Variants in IPP observed in about 807,000 individuals in gnomAD.
The protein encoded by IPP is intracisternal A particle-promoted polypeptide, also known as actin-binding protein IPP.
Under a neutral mutation model 64.1 loss-of-function variants are expected in IPP, and 41 were observed. That is an observed-to-expected ratio of 0.64 (90% CI 0.50 to 0.83). The LOEUF (loss-of-function observed/expected upper bound fraction) is 0.83. IPP is among the 40% of genes least tolerant of loss of function. The pLI, the probability that IPP is intolerant of heterozygous loss-of-function variation, is 0.00. For missense variants in IPP, 649 were observed against 703.0 expected (o/e 0.92, Z 0.87); for synonymous variants, 214 against 235.2 (o/e 0.91, Z 0.83).
intron 5 of IPP, among the ~76,000 whole-genome samples, chr1:45,726,260 A>C (rs879646593): frequency 4.0e-5 from 6 of 150,834 alleles, no homozygotes; most frequent in Admixed American, 6.6e-5. Context: ...GGAGTTCGAG[A>C]CCAGCCTGAC....
At chr1:45,701,576 C>T (rs966691783) in intron 8 of IPP, among the ~76,000 whole-genome samples, 15 of 152,098 alleles carry the variant, frequency 9.9e-5, no homozygotes, top group African/African-American at 2.9e-4. Flanking sequence ...CGTGAGCCAC[C>T]GCACCCAGCG....
At chr1:45,727,555 C>T (rs1349256424) in intron 5 of IPP, 76 bp downstream of exon 5, 1 of 684,048 alleles carries the variant, frequency 1.5e-6, no homozygotes, top group Non-Finnish European at 2.0e-6. Context: ...TATCACATAG[C>T]AACATATAAA....
At chr1:45,742,385 A>T (rs1177568541) in intron 2 of IPP, among the ~76,000 whole-genome samples, 1 of 152,220 alleles carries the variant, frequency 6.6e-6, no homozygotes, top group Non-Finnish European at 1.5e-5. Flanking sequence ...GAAAGAAAAA[A>T]AACAAACAAC....
intron 5 of IPP, among the ~76,000 whole-genome samples, chr1:45,724,252 G>A (rs373142724): frequency 4.6e-5 from 7 of 152,140 alleles, no homozygotes; most frequent in African/African-American, 1.4e-4. Context: ...CCGAGGTGCC[G>A]GGATTGCAGA....
Position 45,699,538 on chromosome 1 carries a change from G to C in IPP, c.*428C>G, listed in dbSNP as rs893524114. Reference sequence around the variant, plus strand: ...AGGAGTTGTCTACACTTAAACTGGAGAATTCTACAGCATAAATGGCATTTC... The same window carrying C: ...AGGAGTTGTCTACACTTAAACTGGACAATTCTACAGCATAAATGGCATTTC... On this transcript the variant is annotated 3_prime_UTR_variant, in exon 9 of 9. Transcript: ENST00000396478. The C allele has an allele frequency of 1.0e-6, 1 of 989,082 alleles. No individual in the cohort carries two copies. The highest frequency in any genetic ancestry group is 1.2e-6 in the Non-Finnish European group (1 of 832,038). The allele number at this position is 989,082 out of a possible 1,614,324, so 61.3% of individuals were successfully genotyped here. A position where few individuals can be genotyped will look rare whatever the true frequency, so the allele number is the denominator to read the frequency against.
intron 1 of IPP, among the ~76,000 whole-genome samples, chr1:45,748,670 TCAA>T (rs964173282): frequency 4.7e-5 from 7 of 150,002 alleles, no homozygotes; most frequent in Non-Finnish European, 7.4e-5. Context: ...AGACCGTGTC[TCAA>T]CAACAACAAC....
chr1:45,727,642 T>A lies in IPP; in HGVS notation c.1037A>T (p.Tyr346Phe). ...ATTTTTATTATTACCTCCAATAGCG[T>A]AGACCATCCCTCCCAGAACTGTTAC... ...LGVTVLGGMV[Y>F]AIGGEKDSMI... The change falls in exon 5 of 9, where the codon TAC becomes TTC. Residue 346 changes from tyrosine to phenylalanine, a missense_variant. Tyr to Phe is a conservative substitution (Grantham distance 22). Transcript: ENST00000396478. The A allele has an allele frequency of 6.4e-7, 1 of 1,566,604 alleles. No homozygotes were observed. Among genetic ancestry groups the A allele is most frequent in the Non-Finnish European group, 8.7e-7 (1 of 1,146,698 alleles).
chr1:45,728,989 T>C (rs990640938), intron 4 of IPP, among the ~76,000 whole-genome samples: 17 of 150,430 alleles, frequency 1.1e-4, no homozygotes, highest in African/African-American at 3.4e-4. Flanking sequence ...TATATAGGTA[T>C]ACAAAAATTA....
At chr1:45,713,459 T>C (rs749504966) in intron 8 of IPP, among the ~76,000 whole-genome samples, 13 of 151,688 alleles carry the variant, frequency 8.6e-5, no homozygotes, top group Non-Finnish European at 1.6e-4. Flanking sequence ...ACTCAAGAGG[T>C]TGAGGCAGGA....
At chr1:45,743,848 T>TAA (rs564404186) in intron 2 of IPP, among the ~76,000 whole-genome samples, 10 of 146,826 alleles carry the variant, frequency 6.8e-5, no homozygotes, top group Admixed American at 2.7e-4. Flanking sequence ...CCGTCTCTAC[T>TAA]AAAAAAAAAA....
At chr1:45,695,961 G>A (rs1298072661), downstream of IPP, among the ~76,000 whole-genome samples, 1 of 152,062 alleles carries the variant, frequency 6.6e-6, no homozygotes, top group Non-Finnish European at 1.5e-5. Flanking sequence ...GAGCCACCGT[G>A]CCCGGCCTGT....
At position 45,700,163 on chromosome 1, in the gene IPP, T is replaced by C. The variant is rs1397976725; in HGVS notation, c.1558A>G (p.Lys520Glu). ...ACACACATGCCTGCTCTAGGCACTT[T>C]CATTGAGGCAACTTCAACCCACTTT... Reference protein sequence around the residue: ...EEKWVEVASMKVPRAGMCVVA... With the variant: ...EEKWVEVASMEVPRAGMCVVA... Residue 520 changes from lysine (K) to glutamate (E), a missense_variant, in exon 9 of 9, where the codon AAA becomes GAA. Lys to Glu is a moderately conservative substitution (Grantham distance 56). Coordinates refer to ENST00000396478, the MANE Select transcript of IPP (RefSeq NM_005897.3). The C allele has an allele frequency of 6.2e-7, 1 of 1,613,626 alleles. No homozygotes were observed. The highest frequency in any genetic ancestry group is 1.7e-5 in the Admixed American group (1 of 59,914).
At chr1:45,729,032 G>T (rs1359749377) in intron 4 of IPP, among the ~76,000 whole-genome samples, 1 of 150,858 alleles carries the variant, frequency 6.6e-6, no homozygotes, top group East Asian at 1.9e-4. Context: ...TGTAGTCCCA[G>T]CTACTCAGGA....
chr1:45,737,749 C>T (rs898344090), intron 3 of IPP, among the ~76,000 whole-genome samples: 28 of 152,166 alleles, frequency 1.8e-4, no homozygotes, highest in African/African-American at 5.5e-4. Flanking sequence ...CATGAGCCAC[C>T]GTGCCTGGCC....
downstream of IPP, chr1:45,697,062 G>A (rs773822708): frequency 1.3e-5 from 2 of 152,166 alleles, no homozygotes; most frequent in Non-Finnish European, 2.9e-5. Flanking sequence ...TTATAGCTTA[G>A]TCTATAAATT....
intron 3 of IPP, among the ~76,000 whole-genome samples, chr1:45,737,429 T>C (rs1053148027): frequency 1.3e-5 from 2 of 151,830 alleles, no homozygotes; most frequent in African/African-American, 4.8e-5. Context: ...TCCAAAATAT[T>C]AAGTGGAAAT....
At chr1:45,744,155 T>C (rs1646103563) in intron 2 of IPP, among the ~76,000 whole-genome samples, 2 of 152,170 alleles carry the variant, frequency 1.3e-5, no homozygotes, top group Non-Finnish European at 2.9e-5. Context: ...ACATAGTTTT[T>C]CTCTCTCTCT....
At chr1:45,714,129 AG>A in intron 8 of IPP, 116 bp downstream of exon 8, 1 of 679,538 alleles carries the variant, frequency 1.5e-6, no homozygotes, top group South Asian at 2.2e-5. Flanking sequence ...GAAAGAAAAA[AG>A]GGGAAAAAAA....
At chr1:45,714,938 T>A (rs933567493) in intron 7 of IPP, among the ~76,000 whole-genome samples, 2 of 152,124 alleles carry the variant, frequency 1.3e-5, no homozygotes, top group African/African-American at 4.8e-5. Flanking sequence ...TCAGAATCAA[T>A]TACTACAGTA....
Sources: allele counts gnomAD v4.1 joint callset (sites outside exome capture counted in the v4.1 genomes callset), GRCh38; gene constraint gnomAD v4.1.1; transcripts MANE v1.5; gene names NCBI Gene and HGNC (gene_info 2026-07-23, HGNC 2026-07-21).